DDX46: variants seen among roughly 807,000 people sequenced by gnomAD.
DDX46 encodes the protein probable ATP-dependent RNA helicase DDX46.
Under a neutral mutation model 134.9 loss-of-function variants are expected in DDX46, and 30 were observed. That is an observed-to-expected ratio of 0.22 (90% CI 0.17 to 0.30). The LOEUF (loss-of-function observed/expected upper bound fraction) is 0.30. Among genes scored for constraint, DDX46 ranks in the 10% least tolerant of loss-of-function variants. The probability of loss-of-function intolerance (pLI) is 1.00; values close to 1 mark genes in which losing one functional copy is unlikely to be tolerated. For missense variants in DDX46, 622 were observed against 1,248.7 expected, an observed-to-expected ratio of 0.50 and a Z score of 7.56; for synonymous variants, 415 against 404.1, an observed-to-expected ratio of 1.03 and a Z score of -0.32.
At chr5:134,827,441 A>C (rs528658229) in intron 22 of DDX46, among the ~76,000 whole-genome samples, 1 of 152,104 alleles carries the variant, frequency 6.6e-6, no homozygotes, top group Admixed American at 6.6e-5. Flanking sequence ...CATCTGGCTA[A>C]TTTTTGTATT....
chr5:134,800,483 TG>T (rs1350464357), intron 15 of DDX46, among the ~76,000 whole-genome samples: 1 of 152,166 alleles, frequency 6.6e-6, no homozygotes, highest in East Asian at 1.9e-4. Context: ...TGTTGGACAC[TG>T]GGGATGGGGG....
Position 134,782,095 on chromosome 5 carries a change from C to A in DDX46, c.1045+9C>A. ...AAAAATGTCTCAAGAAGGTAAAATTCCATTTTTTCATTTACTGGTTATAAG... is the reference window on the plus strand; with the variant it reads ...AAAAATGTCTCAAGAAGGTAAAATTACATTTTTTCATTTACTGGTTATAAG... On this transcript the variant is annotated intron_variant, in intron 8 of 22. Coordinates refer to ENST00000452510, the MANE Select transcript of DDX46 (RefSeq NM_001300860.2). 6.3e-7 allele frequency: 1 copy of A among 1,578,618 alleles called. No individual in the cohort carries two copies. The highest frequency in any genetic ancestry group is 1.2e-5 in the South Asian group (1 of 85,592).
chr5:134,767,195 C>T, intron 3 of DDX46, 135 bp downstream of exon 3: 1 of 1,107,964 alleles, frequency 9.0e-7, no homozygotes, highest in Non-Finnish European at 1.2e-6. Flanking sequence ...GAACTGTTGG[C>T]AGTGTTTTAT....
intron 18 of DDX46, among the ~76,000 whole-genome samples, chr5:134,815,670 G>A (rs1755266613): frequency 1.6e-5 from 2 of 123,084 alleles, no homozygotes; most frequent in Admixed American, 1.1e-4. Flanking sequence ...TGGCGCCATT[G>A]CACTCCAGCC....
chr5:134,795,953 C>T (rs375355710), intron 14 of DDX46, 35 bp from the exon 15 acceptor site: 3 of 1,588,848 alleles, frequency 1.9e-6, no homozygotes, highest in East Asian at 2.2e-5. Flanking sequence ...TTTGCATTTT[C>T]ACTTCATTAA....
chr5:134,818,835 T>G (rs1337447227), intron 20 of DDX46, 25 bp from the exon 21 acceptor site: 2 of 1,599,964 alleles, frequency 1.3e-6, no homozygotes, highest in African/African-American at 2.7e-5. Context: ...GAAGTGATTT[T>G]TCTTTTCCTT....
chr5:134,806,599 T>G (rs1754993558), intron 15 of DDX46, among the ~76,000 whole-genome samples: 1 of 152,234 alleles, frequency 6.6e-6, no homozygotes, highest in South Asian at 2.1e-4. Context: ...AGATTCCAGT[T>G]TCTTTGACAA....
At chr5:134,798,312 C>T (rs1281251705) in intron 15 of DDX46, among the ~76,000 whole-genome samples, 3 of 152,040 alleles carry the variant, frequency 2.0e-5, no homozygotes, top group African/African-American at 7.2e-5. Context: ...AGTTCTTGTG[C>T]CTCAGCCTCT....
chr5:134,786,267 A>AAT (rs1255241967), intron 11 of DDX46, among the ~76,000 whole-genome samples: 1 of 152,124 alleles, frequency 6.6e-6, no homozygotes, highest in African/African-American at 2.4e-5. Flanking sequence ...GTACACCTTA[A>AAT]ATATATATAA....
At chr5:134,822,130 C>T (rs1755473224) in intron 21 of DDX46, among the ~76,000 whole-genome samples, 1 of 151,904 alleles carries the variant, frequency 6.6e-6, no homozygotes, top group African/African-American at 2.4e-5. Flanking sequence ...CTGCCTACCT[C>T]AGCCTCCCAA....
At chr5:134,827,042 T>G (rs778326939) in intron 22 of DDX46, 22 bp downstream of exon 22, 17 of 1,599,398 alleles carry the variant, frequency 1.1e-5, no homozygotes, top group Non-Finnish European at 1.3e-5. Context: ...CCTTAAAGTT[T>G]CGTTTGTTTT....
chr5:134,781,346 G>A (rs772468552), intron 7 of DDX46, 100 bp downstream of exon 7: 4 of 866,906 alleles, frequency 4.6e-6, no homozygotes, highest in Non-Finnish European at 7.1e-6. Flanking sequence ...TGAGCTAGGA[G>A]AAATTCCCAG....
chr5:134,803,686 C>T (rs780713170), intron 15 of DDX46, among the ~76,000 whole-genome samples: 5 of 152,140 alleles, frequency 3.3e-5, no homozygotes, highest in Admixed American at 2.6e-4. Flanking sequence ...GGTGTCTTTA[C>T]GTAGTTGCTC....
At chr5:134,784,982 G>A (rs534244784) in intron 10 of DDX46, among the ~76,000 whole-genome samples, 4 of 152,292 alleles carry the variant, frequency 2.6e-5, no homozygotes, top group African/African-American at 9.6e-5. Flanking sequence ...CTGGTTTCTT[G>A]ATTCATCTTG....
chr5:134,821,380 T>C (rs573225921), intron 21 of DDX46, among the ~76,000 whole-genome samples: 1 of 152,118 alleles, frequency 6.6e-6, no homozygotes, highest in East Asian at 1.9e-4. Flanking sequence ...TTTCACCATG[T>C]TGGTCAGGCT....
rs920648143 is a variant in DDX46 at position 134,829,826 on chromosome 5, T to C, written c.*1120T>C. ...ATACAAAAATTAGTCGGCATGGTGG[T>C]GGGTGGCTGTAATCCCAGCTACTCA... On this transcript the variant is annotated 3_prime_UTR_variant, in exon 23 of 23. Coordinates refer to ENST00000452510, the MANE Select transcript of DDX46 (RefSeq NM_001300860.2). 3 of 151,858 alleles carry C rather than the reference T, an allele frequency of 2.0e-5. No individual in the cohort carries two copies. The highest frequency in any genetic ancestry group is 7.3e-5 in the African/African-American group (3 of 41,258). 9.4% of individuals were successfully genotyped at this position (151,858 alleles called of 1,614,324 possible). A position where few individuals can be genotyped will look rare whatever the true frequency, so the allele number is the denominator to read the frequency against.
intron 6 of DDX46, 141 bp from the exon 7 acceptor site, chr5:134,780,992 C>G: frequency 3.6e-6 from 2 of 550,950 alleles, no homozygotes; most frequent in South Asian, 2.4e-5. Flanking sequence ...TCACACCACT[C>G]AAGCCTGGGT....
At chr5:134,807,966 A>G in intron 16 of DDX46, 25 bp downstream of exon 16, 2 of 1,569,202 alleles carry the variant, frequency 1.3e-6, no homozygotes, top group East Asian at 2.3e-5. Flanking sequence ...TTTATAGTTG[A>G]TCTTCATTAT....
chr5:134,769,521 G>A (rs1195696882), intron 3 of DDX46, among the ~76,000 whole-genome samples: 73 of 149,780 alleles, frequency 4.9e-4, no homozygotes, highest in Non-Finnish European at 7.9e-4. Context: ...TAGTAGAGAC[G>A]GGGTTTGTTT....
Sources: gnomAD v4.1 joint callset for allele counts (sites outside exome capture counted in the v4.1 genomes callset) on GRCh38, gnomAD v4.1.1 for gene constraint, MANE v1.5 for transcripts, NCBI Gene and HGNC (gene_info 2026-07-23, HGNC 2026-07-21) for gene names.